The following DOP1B variants were observed in gnomAD, a reference collection of about 807,000 sequenced individuals.
DOP1B encodes the protein DOP1 leucine zipper like protein B.
A neutral mutation model predicts 233.5 loss-of-function variants in DOP1B; 174 were observed. That is an observed-to-expected ratio of 0.75 (90% CI 0.66 to 0.85). The LOEUF (loss-of-function observed/expected upper bound fraction) is 0.85, where lower values mean the gene tolerates loss of function less well. DOP1B is among the 40% of genes least tolerant of loss of function. The pLI is 0.00. For missense variants in DOP1B, 2,652 were observed against 2,846.6 expected, an observed-to-expected ratio of 0.93 and a Z score of 1.56; for synonymous variants, 1,190 against 1,185.6, an observed-to-expected ratio of 1.00 and a Z score of -0.08.
At position 36,164,885 on chromosome 21, in the gene DOP1B, A is replaced by G; in HGVS notation, c.138+14A>G. The stretch of plus-strand genomic sequence containing the variant: ...AAACTCAACAAGGTATGTAGGGTGT[A>G]TCCTATTTGGATTGCATGGAGGTGG... On this transcript the variant is annotated intron_variant, in intron 2 of 36. Coordinates refer to ENST00000691173, the MANE Select transcript of DOP1B (RefSeq NM_001320714.2). The G allele has an allele frequency of 1.3e-6, 2 of 1,540,748 alleles. No individual in the cohort carries two copies. Among genetic ancestry groups the G allele is most frequent in the South Asian group, 2.6e-5 (2 of 76,784 alleles).
intron 2 of DOP1B, among the ~76,000 whole-genome samples, chr21:36,178,437 G>GAA (rs58402277): frequency 1.8e-4 from 25 of 137,608 alleles, no homozygotes; most frequent in African/African-American, 3.7e-4. Context: ...AGTCTCTTAA[G>GAA]AAAAAAAAAA....
intron 23 of DOP1B, among the ~76,000 whole-genome samples, chr21:36,260,056 T>G (rs1397314265): frequency 1.3e-5 from 2 of 151,352 alleles, no homozygotes; most frequent in African/African-American, 4.9e-5. Context: ...CTTGGGAGGC[T>G]GAGGCACGAG....
chr21:36,221,317 A>C (rs2123518005), intron 10 of DOP1B, among the ~76,000 whole-genome samples: 1 of 151,730 alleles, frequency 6.6e-6, no homozygotes, highest in South Asian at 2.1e-4. Context: ...ACATGACAAA[A>C]CCTGGTCTCT....
intron 7 of DOP1B, 152 bp downstream of exon 7, chr21:36,212,249 A>C: frequency 1.2e-6 from 1 of 839,224 alleles, no homozygotes; most frequent in Non-Finnish European, 1.7e-6. Context: ...TGGTCAGTTG[A>C]GGTCTGCTGC....
At chr21:36,250,589 C>T (rs117721417) in intron 21 of DOP1B, among the ~76,000 whole-genome samples, 2 of 152,200 alleles carry the variant, frequency 1.3e-5, no homozygotes, top group African/African-American at 2.4e-5. Context: ...AGAAACGTGG[C>T]GGGAACACAG....
rs558730316 is a variant in DOP1B, at chr21:36,241,854, C to T, written c.3067+1899C>T. Among the ~76,000 whole-genome samples, 6 of 151,020 alleles carry T rather than the reference C, an allele frequency of 4.0e-5. No homozygotes were observed. The South Asian group carries it at 6.3e-4, about 16-fold the overall frequency. ...CCACGCCTGGCTATCTCAATCTTAT[C>T]TTACAGAGAAAAGCAACCCATTAGC... On this transcript the variant is annotated intron_variant, in intron 18 of 36. Coordinates refer to ENST00000691173, the MANE Select transcript of DOP1B (RefSeq NM_001320714.2).
intron 13 of DOP1B, 84 bp from the exon 14 acceptor site, chr21:36,230,366 T>C: frequency 6.9e-7 from 1 of 1,448,386 alleles, no homozygotes. Flanking sequence ...AAAAACAGAA[T>C]TGAAATACAT....
chr21:36,167,125 C>T (rs778969579), intron 2 of DOP1B, among the ~76,000 whole-genome samples: 1 of 152,188 alleles, frequency 6.6e-6, no homozygotes, highest in Non-Finnish European at 1.5e-5. Flanking sequence ...GGATGTTTCA[C>T]TTTTCAGTAC....
At position 36,214,501 on chromosome 21, in the gene DOP1B, T is replaced by G; in HGVS notation, c.1074T>G (p.His358Gln). The G allele has an allele frequency of 6.2e-7, 1 of 1,614,046 alleles. No individual in the cohort carries two copies. The highest frequency in any genetic ancestry group is 2.2e-5 in the East Asian group (1 of 44,888). ...FIDADVEERH[H>Q]AYLKPFRVLI... is the part of the protein sequence containing the mutation. ...ATGCTGACGTGGAGGAACGCCATCA[T>G]GCATACCTGAAGCCTTTTCGCGTCC... is the stretch of plus-strand genomic sequence containing the variant. The change falls in exon 9 of 37, where the codon CAT becomes CAG. Residue 358 changes from histidine to glutamine, a missense_variant. By Grantham distance (24) the His-to-Gln change is conservative (BLOSUM62 0). This residue lies in a region of DOP1B where 2,617 missense variants were observed against 2,794.3 expected (regional missense o/e 0.94). Transcript: ENST00000691173.
chr21:36,227,258 T>C (rs903329477), intron 12 of DOP1B, among the ~76,000 whole-genome samples: 5 of 146,754 alleles, frequency 3.4e-5, no homozygotes, highest in African/African-American at 1.3e-4. Flanking sequence ...AAAAAGAAAA[T>C]TAATGTGGGT....
At chr21:36,275,827 G>C (rs896093627) in intron 27 of DOP1B, among the ~76,000 whole-genome samples, 1 of 152,106 alleles carries the variant, frequency 6.6e-6, no homozygotes, top group African/African-American at 2.4e-5. Flanking sequence ...ATTCTTCTAG[G>C]TGAGTCCTTC....
chr21:36,170,191 A>G (rs548536469), intron 2 of DOP1B: 3 of 444,566 alleles, frequency 6.7e-6, no homozygotes, highest in East Asian at 5.0e-5. Context: ...CACACAATCA[A>G]ATTCCACCGG....
rs970216462 is a variant in DOP1B, at chr21:36,225,432, T to C, written c.1371-133T>C. 4.3e-6 allele frequency: 4 copies of C among 938,408 alleles called. No homozygotes were observed. In the African/African-American group the frequency reaches 4.9e-5, roughly 12 times the overall value. The allele number at this position is 938,408 out of a possible 1,614,324, so 58.1% of individuals were successfully genotyped here. A position where few individuals can be genotyped will look rare whatever the true frequency, so the allele number is the denominator to read the frequency against. ...CTTTAGTAGAGATGGGGTTTCACCA[T>C]GTTGCCCAGGCTGGTCTCAGACTCC... On this transcript the variant is annotated intron_variant, in intron 11 of 36. Coordinates refer to ENST00000691173, the MANE Select transcript of DOP1B (RefSeq NM_001320714.2).
At chr21:36,191,794 A>G (rs2066238114) in intron 2 of DOP1B, among the ~76,000 whole-genome samples, 1 of 152,124 alleles carries the variant, frequency 6.6e-6, no homozygotes, top group South Asian at 2.1e-4. Flanking sequence ...CAAAAAAAAA[A>G]AAAAAGTTTA....
chr21:36,246,182 G>A lies in DOP1B; in HGVS notation c.4202G>A (p.Arg1401His), dbSNP rs144780107. The A allele has an allele frequency of 3.7e-5, 59 of 1,613,550 alleles. No individual in the cohort carries two copies. The highest frequency in any genetic ancestry group is 2.2e-5 in the East Asian group (1 of 44,878). The change falls in exon 19 of 37, where the codon CGC becomes CAC. Residue 1401 changes from arginine (R) to histidine (H), a missense_variant. Arg to His is a conservative substitution (Grantham distance 29). Around this residue, in one of 3 missense-constraint regions of DOP1B, gnomAD observed 2,617 missense variants for 2,794.3 expected, o/e 0.94. Coordinates refer to ENST00000691173, the MANE Select transcript of DOP1B (RefSeq NM_001320714.2). The surrounding 1 kb of genome is among the most constrained non-coding windows in gnomAD (Gnocchi z 5.1). ...LSASMYTSQK[R>H]YGLATAHHGR... is the part of the protein sequence containing the mutation. ...GCGTCCATGTACACGAGCCAGAAGC[G>A]CTACGGGCTGGCCACCGCCCACCAC... is the stretch of plus-strand genomic sequence containing the variant.
chr21:36,178,158 G>C (rs2066052971), intron 2 of DOP1B, among the ~76,000 whole-genome samples: 1 of 152,164 alleles, frequency 6.6e-6, no homozygotes, highest in African/African-American at 2.4e-5. Flanking sequence ...ATGAGGTCAT[G>C]AGGATGAGAC....
At chr21:36,261,030 A>T in intron 24 of DOP1B, 2 of 1,129,252 alleles carry the variant, frequency 1.8e-6, no homozygotes. Flanking sequence ...AGAAAAAGAA[A>T]AAAACCACAT....
chr21:36,225,218 GGAA>G (rs913892368), intron 11 of DOP1B, among the ~76,000 whole-genome samples: 9 of 151,956 alleles, frequency 5.9e-5, no homozygotes, highest in Admixed American at 1.3e-4. Context: ...ACTTACCGCA[GGAA>G]GAAGAATTGA....
chr21:36,218,853 C>T (rs963261728), intron 9 of DOP1B, among the ~76,000 whole-genome samples: 1 of 152,170 alleles, frequency 6.6e-6, no homozygotes, highest in African/African-American at 2.4e-5. Context: ...TCTTTCTCAG[C>T]GTTTCAGGAT....
Sources: allele counts gnomAD v4.1 joint callset (sites outside exome capture counted in the v4.1 genomes callset), GRCh38; gene constraint gnomAD v4.1.1; regional missense constraint gnomAD v4.1.1; non-coding constraint Gnocchi (gnomAD v3.1); transcripts MANE v1.5; gene names NCBI Gene and HGNC (gene_info 2026-07-23, HGNC 2026-07-21).